The following TAF1 variants were observed in gnomAD, a reference collection of about 807,000 sequenced individuals.
The protein encoded by TAF1 is TATA-box binding protein associated factor 1.
TAF1 carries 2 observed loss-of-function variants against 138.5 expected under a neutral mutation model. The ratio of observed to expected loss-of-function variants is 0.01; its 90% CI spans 0.01 to 0.05. The LOEUF is 0.05. TAF1 is among the 10% of genes least tolerant of loss of function. The pLI, the probability that TAF1 is intolerant of heterozygous loss-of-function variation, is 1.00. For missense variants in TAF1, 709 were observed against 1,478.0 expected, an observed-to-expected ratio of 0.48 and a Z score of 8.53; for synonymous variants, 437 against 503.2, an observed-to-expected ratio of 0.87 and a Z score of 1.76.
intron 3 of TAF1, among the ~76,000 whole-genome samples, chrX:71,369,739 G>C (rs752467731): frequency 1.5e-4 from 16 of 107,468 alleles, no homozygotes; most frequent in African/African-American, 4.7e-4. Flanking sequence ...CCGAGTAGCT[G>C]GGACTACAGG....
chrX:71,426,433 A>G (rs1296147224), intron 32 of TAF1, among the ~76,000 whole-genome samples: 1 of 107,572 alleles, frequency 9.3e-6, no homozygotes, highest in Non-Finnish European at 1.9e-5. Context: ...TTTAGGAAAC[A>G]GGCTGGGTGT....
chrX:71,409,171 CAA>C (rs762300687), intron 28 of TAF1, among the ~76,000 whole-genome samples: 53 of 110,844 alleles, frequency 4.8e-4, no homozygotes, highest in African/African-American at 1.7e-3. Flanking sequence ...GCTGAGAAGA[CAA>C]AGAGGAAGAA....
At chrX:71,471,348 C>A (rs6625792) in intron 13 of TAF1, among the ~76,000 whole-genome samples, 3 of 99,427 alleles carry the variant, frequency 3.0e-5, no homozygotes, top group African/African-American at 1.1e-4. Context: ...TATATATATA[C>A]ACACACACAC....
intron 32 of TAF1, chrX:71,441,627 T>C: frequency 3.4e-6 from 1 of 298,358 alleles, no homozygotes; most frequent in African/African-American, 2.8e-5. Context: ...ACTATAGTCA[T>C]TCTACGGCGC....
chrX:71,466,688 T>C (rs1158467313), downstream of TAF1, among the ~76,000 whole-genome samples: 4 of 111,502 alleles, frequency 3.6e-5, no homozygotes, highest in African/African-American at 6.5e-5. Context: ...AAGACGGGGC[T>C]TTACCATGTT....
chrX:71,373,928 CAG>C (rs1388960835), intron 3 of TAF1, among the ~76,000 whole-genome samples: 2 of 110,680 alleles, frequency 1.8e-5, no homozygotes, highest in African/African-American at 6.6e-5. Flanking sequence ...GGGAAACTGA[CAG>C]AGGGAGAAGA....
intron 13 of TAF1, among the ~76,000 whole-genome samples, chrX:71,513,049 G>T (rs186912377): frequency 5.0e-4 from 56 of 112,229 alleles, no homozygotes; most frequent in Non-Finnish European, 9.6e-4. Flanking sequence ...GTAGGTAGGG[G>T]TATGAATGGA....
chrX:71,451,401 C>T (rs1476548710), intron 32 of TAF1, among the ~76,000 whole-genome samples: 3 of 110,765 alleles, frequency 2.7e-5, no homozygotes, highest in Non-Finnish European at 3.8e-5. Flanking sequence ...GACTCTTGGC[C>T]GGCTATTTGA....
intron 32 of TAF1, chrX:71,441,716 G>C (rs2037436313): frequency 3.7e-6 from 1 of 273,611 alleles, no homozygotes; most frequent in Admixed American, 5.0e-5. Flanking sequence ...TGTGCACAAC[G>C]TGCAGGTTTG....
intron 13 of TAF1, among the ~76,000 whole-genome samples, chrX:71,488,510 T>C (rs1386516725): frequency 2.7e-5 from 3 of 109,613 alleles, no homozygotes; most frequent in African/African-American, 1.0e-4. Context: ...CCCAAAGTGC[T>C]GGTAGGTAGT....
intron 23 of TAF1, 30 bp downstream of exon 23, chrX:71,397,496 T>C (rs890845742): frequency 8.3e-7 from 1 of 1,208,095 alleles, no homozygotes; most frequent in African/African-American, 1.7e-5. Flanking sequence ...TCCTTTTTTT[T>C]CTTTGAGGAC....
chrX:71,504,894 C>A (rs1049466211), intron 13 of TAF1, among the ~76,000 whole-genome samples: 1 of 109,048 alleles, frequency 9.2e-6, no homozygotes, highest in African/African-American at 3.4e-5. Flanking sequence ...TTCTGGGAGG[C>A]CGAGACAGGT....
intron 13 of TAF1, among the ~76,000 whole-genome samples, chrX:71,503,091 C>T (rs773018573): frequency 9.3e-6 from 1 of 107,675 alleles, no homozygotes; most frequent in East Asian, 2.9e-4. Flanking sequence ...GCCAACATGG[C>T]GAAACGCTGT....
intron 13 of TAF1, among the ~76,000 whole-genome samples, chrX:71,526,374 G>A (rs947935385): frequency 8.9e-6 from 1 of 111,989 alleles, no homozygotes; most frequent in East Asian, 2.8e-4. Flanking sequence ...AGTTCTAGTT[G>A]TCTTTATATG....
rs749753175 is a variant in TAF1 at position 71,378,182 on chromosome X, G to A, written c.934-53G>A. On this transcript the variant is annotated intron_variant, in intron 6 of 37. Coordinates refer to ENST00000423759, the MANE Select transcript of TAF1 (RefSeq NM_004606.5). ...TGACTGTTAACTCTCTATAGCCTTAGGACATCTGGGATCAGGAAATTCTCC... is the reference window on the plus strand; with the variant it reads ...TGACTGTTAACTCTCTATAGCCTTAAGACATCTGGGATCAGGAAATTCTCC... 17 of 1,143,238 alleles carry A rather than the reference G, an allele frequency of 1.5e-5. No homozygotes were observed. In the African/African-American group the frequency reaches 2.3e-4, roughly 16 times the overall value. 94.2% of individuals were successfully genotyped at this position (1,143,238 alleles called of 1,213,427 possible). A position where few individuals can be genotyped will look rare whatever the true frequency, so the allele number is the denominator to read the frequency against.
intron 35 of TAF1, chrX:71,459,305 G>A: frequency 9.1e-7 from 1 of 1,101,067 alleles, no homozygotes; most frequent in South Asian, 2.0e-5. Flanking sequence ...TATGATAGGA[G>A]CCCCATCAGT....
At chrX:71,389,181 G>C (rs897825698) in intron 17 of TAF1, among the ~76,000 whole-genome samples, 2 of 111,624 alleles carry the variant, frequency 1.8e-5, no homozygotes, top group Admixed American at 1.9e-4. Flanking sequence ...ATATAAGCAG[G>C]GAAAGTACTT....
intron 37 of TAF1, among the ~76,000 whole-genome samples, chrX:71,461,118 A>C (rs999005654): frequency 1.8e-5 from 2 of 111,458 alleles, no homozygotes; most frequent in Admixed American, 1.9e-4. Context: ...GTTATCAGGG[A>C]AAGTTTCACA....
chrX:71,367,713 G>A, intron 2 of TAF1, 100 bp downstream of exon 2: 1 of 975,367 alleles, frequency 1.0e-6, no homozygotes, highest in South Asian at 2.3e-5. Context: ...CTCTGTCTCC[G>A]AGGTTGGAGT....
Sources: gnomAD v4.1 joint callset for allele counts (sites outside exome capture counted in the v4.1 genomes callset) on GRCh38, gnomAD v4.1.1 for gene constraint, MANE v1.5 for transcripts, NCBI Gene and HGNC (gene_info 2026-07-23, HGNC 2026-07-21) for gene names.